ALPL: variants seen among roughly 807,000 people sequenced by gnomAD.
ALPL encodes alkaline phosphatase, biomineralization associated.
ALPL carries 42 observed loss-of-function variants against 51.3 expected under a neutral mutation model. The observed-to-expected ratio is 0.82, with a 90% CI of 0.64 to 1.06. The LOEUF (loss-of-function observed/expected upper bound fraction) is 1.06. Ranked by LOEUF, ALPL falls within the 50% of genes least tolerant of loss-of-function variation. ALPL has a pLI of 0.00. For missense variants in ALPL, 589 were observed against 709.4 expected, an observed-to-expected ratio of 0.83 and a Z score of 1.93; for synonymous variants, 279 against 296.4, an observed-to-expected ratio of 0.94 and a Z score of 0.60.
At chr1:21,576,707 G>A in intron 11 of ALPL, 66 bp downstream of exon 11, 2 of 1,601,078 alleles carry the variant, frequency 1.2e-6, no homozygotes, top group Non-Finnish European at 1.7e-6. Flanking sequence ...CTTGGGAATA[G>A]GGTGTCAGCT....
At position 21,564,313 on chromosome 1, in the gene ALPL, G is replaced by A. The variant is rs947341054; in HGVS notation, c.648+97G>A. 11 of 1,491,236 alleles carry A rather than the reference G, an allele frequency of 7.4e-6. 1 individual carries two copies. In the Middle Eastern group the frequency reaches 9.8e-4, roughly 133 times the overall value. The allele number at this position is 1,491,236 out of a possible 1,614,324, so 92.4% of individuals were successfully genotyped here. A position where few individuals can be genotyped will look rare whatever the true frequency, so the allele number is the denominator to read the frequency against. On this transcript the variant is annotated intron_variant, in intron 6 of 11. Coordinates refer to ENST00000374840, the MANE Select transcript of ALPL (RefSeq NM_000478.6). The surrounding 1 kb of genome is among the most constrained non-coding windows in gnomAD (Gnocchi z 5.8). ...CAGGCTGGCCCGGAGAAAGCAGCCTGGCCTGGCTCCCCACACACCTGGGAG... is the reference window on the plus strand; with the variant it reads ...CAGGCTGGCCCGGAGAAAGCAGCCTAGCCTGGCTCCCCACACACCTGGGAG...
chr1:21,570,808 C>G (rs1644636998), intron 8 of ALPL, among the ~76,000 whole-genome samples: 1 of 152,180 alleles, frequency 6.6e-6, no homozygotes, highest in East Asian at 1.9e-4. Context: ...GCCCTCCTCC[C>G]CAGGCAGTGG....
Position 21,558,419 on chromosome 1 carries a change from TGAGGAAGGCAG to T in ALPL, c.62-2202_62-2192del, listed in dbSNP as rs199865589. On this transcript the variant is annotated intron_variant, in intron 2 of 11. Transcript: ENST00000374840. ...TGACCAACAGCACCGTGGTGTGTTTTGAGGAAGGCAGGAGGGAGGCTGGAACCAGCCTGGGC... is the reference window on the plus strand; with the variant it reads ...TGACCAACAGCACCGTGGTGTGTTTTGAGGGAGGCTGGAACCAGCCTGGGC... Among the ~76,000 whole-genome samples the T allele has an allele frequency of 7.7e-3, 1,167 of 152,282 alleles. 31 individuals carry two copies. Among genetic ancestry groups the T allele is most frequent in the Admixed American group, 0.041 (626 of 15,306 alleles).
intron 1 of ALPL, among the ~76,000 whole-genome samples, chr1:21,528,937 G>T (rs1241198145): frequency 6.6e-6 from 1 of 151,736 alleles, no homozygotes; most frequent in African/African-American, 2.4e-5. Flanking sequence ...GGGTGTGGTG[G>T]TGGGCGCCTG....
At chr1:21,539,872 G>T (rs933642223) in intron 1 of ALPL, among the ~76,000 whole-genome samples, 4 of 152,020 alleles carry the variant, frequency 2.6e-5, no homozygotes, top group Non-Finnish European at 5.9e-5. Flanking sequence ...TAGTCAGGAT[G>T]GTCTCGATCT....
At chr1:21,560,870 G>A in intron 3 of ALPL, 125 bp downstream of exon 3, 1 of 1,315,960 alleles carries the variant, frequency 7.6e-7, no homozygotes, top group Non-Finnish European at 1.1e-6. Flanking sequence ...TGTTTAAAAG[G>A]ATGAGGGGCC....
intron 1 of ALPL, among the ~76,000 whole-genome samples, chr1:21,545,036 C>T (rs1393159764): frequency 6.6e-6 from 1 of 151,928 alleles, no homozygotes; most frequent in Non-Finnish European, 1.5e-5. Context: ...CAGTGGGTTT[C>T]GAGACCAAAT....
chr1:21,568,283 G>T (rs938517719), intron 7 of ALPL, 36 bp downstream of exon 7: 3 of 1,613,278 alleles, frequency 1.9e-6, no homozygotes, highest in Non-Finnish European at 2.5e-6. Context: ...TGCAGAGGTG[G>T]CCTGTGATGG....
chr1:21,563,402 T>A, intron 5 of ALPL, 118 bp downstream of exon 5: 1 of 1,259,488 alleles, frequency 7.9e-7, no homozygotes, highest in Non-Finnish European at 1.1e-6. Flanking sequence ...CTCCCAGCTC[T>A]GATATGCTGG....
chr1:21,577,361 A>C, intron 11 of ALPL, 22 bp from the exon 12 acceptor site: 1 of 1,613,166 alleles, frequency 6.2e-7, no homozygotes, highest in Middle Eastern at 1.6e-4. Context: ...GGCTCTCAGC[A>C]GGTGTTTCCC....
At chr1:21,515,159 A>G (rs1643770203) in intron 1 of ALPL, among the ~76,000 whole-genome samples, 1 of 152,190 alleles carries the variant, frequency 6.6e-6, no homozygotes, top group Non-Finnish European at 1.5e-5. Flanking sequence ...TGCTGGGCAG[A>G]GCTCAGCAAA....
intron 2 of ALPL, among the ~76,000 whole-genome samples, chr1:21,555,627 A>G (rs1408989922): frequency 6.6e-6 from 1 of 152,098 alleles, no homozygotes; most frequent in Non-Finnish European, 1.5e-5. Flanking sequence ...CATGTTGGCC[A>G]GGCTGATCTC....
rs746554462 is a variant in ALPL, at chr1:21,577,435, C to T, written c.1362C>T (p.His454=). The T allele has an allele frequency of 1.3e-5, 21 of 1,612,596 alleles. No homozygotes were observed. The highest frequency in any genetic ancestry group is 5.0e-5 in the Admixed American group (3 of 60,004). ...QSAVPLRHET[H]GGEDVAVFSK... ...CTGTGCCCCTGCGCCACGAGACCCA[C>T]GGCGGGGAGGACGTGGCCGTCTTCT... The change falls in exon 12 of 12, where the codon CAC becomes CAT. Residue 454 remains histidine (H), a synonymous_variant. Transcript: ENST00000374840.
intron 1 of ALPL, among the ~76,000 whole-genome samples, chr1:21,537,145 C>T (rs912067165): frequency 1.3e-5 from 2 of 152,168 alleles, no homozygotes; most frequent in Non-Finnish European, 1.5e-5. Context: ...ATCTGCCCGC[C>T]TCGGCCTCCC....
intron 1 of ALPL, among the ~76,000 whole-genome samples, chr1:21,545,445 C>G (rs370384520): frequency 1.3e-5 from 2 of 152,186 alleles, no homozygotes; most frequent in African/African-American, 4.8e-5. Context: ...CGCCTGCCAC[C>G]ATGCCCAGCT....
chr1:21,556,727 TC>T (rs1644418949), intron 2 of ALPL, among the ~76,000 whole-genome samples: 1 of 151,936 alleles, frequency 6.6e-6, no homozygotes, highest in Non-Finnish European at 1.5e-5. Context: ...TCACTTGAGG[TC>T]AGGAGTTTGA....
At chr1:21,551,415 C>G (rs565901572) in intron 1 of ALPL, 1 of 152,180 alleles carries the variant, frequency 6.6e-6, no homozygotes, top group South Asian at 2.1e-4. Context: ...CATCCTGGAG[C>G]CTTCCTGAAA....
In ALPL at chr1:21,576,690, G is replaced by A. The variant is rs555004304; in HGVS notation, c.1309+49G>A. On this transcript the variant is annotated intron_variant, in intron 11 of 11. Transcript: ENST00000374840. ...TGGGAGGGGACAGGGCACCCCTCGGGGATGGGCTTGGGAATAGGGTGTCAG... is the reference window on the plus strand; with the variant it reads ...TGGGAGGGGACAGGGCACCCCTCGGAGATGGGCTTGGGAATAGGGTGTCAG... 6.8e-6 allele frequency: 11 copies of A among 1,610,172 alleles called. No homozygotes were observed. The South Asian group carries it at 7.7e-5, about 11-fold the overall frequency.
At chr1:21,522,635 C>T (rs1643895353) in intron 1 of ALPL, among the ~76,000 whole-genome samples, 1 of 152,170 alleles carries the variant, frequency 6.6e-6, no homozygotes, top group South Asian at 2.1e-4. Context: ...CAAACGGGAA[C>T]AGTAGTAGGC....
Sources: gnomAD v4.1 joint callset for allele counts (sites outside exome capture counted in the v4.1 genomes callset) on GRCh38, gnomAD v4.1.1 for gene constraint, Gnocchi (gnomAD v3.1) non-coding constraint, MANE v1.5 for transcripts, NCBI Gene and HGNC (gene_info 2026-07-23, HGNC 2026-07-21) for gene names.